MAD1L1: variants seen among roughly 807,000 people sequenced by gnomAD.
The protein encoded by MAD1L1 is mitotic spindle assembly checkpoint protein MAD1.
In MAD1L1, 95 loss-of-function variants were observed where a neutral mutation model predicts 96.9. The ratio of observed to expected loss-of-function variants is 0.98; its 90% CI spans 0.83 to 1.16. The LOEUF is 1.16. Among genes scored for constraint, MAD1L1 ranks in the 50% most tolerant of loss-of-function variants. MAD1L1 has a pLI of 0.00. For missense variants in MAD1L1, 1,007 were observed against 954.4 expected, an observed-to-expected ratio of 1.06 and a Z score of -0.73; for synonymous variants, 473 against 396.6, an observed-to-expected ratio of 1.19 and a Z score of -2.29.
chr7:2,054,431 T>C (rs1313746522), intron 12 of MAD1L1, among the ~76,000 whole-genome samples: 1 of 152,108 alleles, frequency 6.6e-6, no homozygotes, highest in Non-Finnish European at 1.5e-5. Context: ...TTCCTAAAAT[T>C]GCTTTTCTCC....
At chr7:1,888,933 C>G (rs1304287869) in intron 18 of MAD1L1, among the ~76,000 whole-genome samples, 1 of 152,228 alleles carries the variant, frequency 6.6e-6, no homozygotes, top group African/African-American at 2.4e-5. Context: ...CTGCAGTTCT[C>G]ACTGATGAGC....
chr7:2,001,294 C>A (rs550884883), intron 14 of MAD1L1, among the ~76,000 whole-genome samples: 176 of 152,416 alleles, frequency 1.2e-3, no homozygotes, highest in African/African-American at 4.2e-3. Context: ...CACGCACGCA[C>A]GCATGCCCCA....
chr7:2,088,261 G>A lies in MAD1L1; in HGVS notation c.1074-18923C>T, dbSNP rs1034267288. Among the ~76,000 whole-genome samples, 4 of 152,198 alleles carry A rather than the reference G, an allele frequency of 2.6e-5. No individual in the cohort carries two copies. Among genetic ancestry groups the A allele is most frequent in the Non-Finnish European group, 2.9e-5 (2 of 68,036 alleles). ...ACCCCTGCCTGAAACCTGCCGACGGGCCTGTTGCCGCTGGAACACAATCCA... is the reference window on the plus strand; with the variant it reads ...ACCCCTGCCTGAAACCTGCCGACGGACCTGTTGCCGCTGGAACACAATCCA... On this transcript the variant is annotated intron_variant, in intron 11 of 18. Coordinates refer to ENST00000265854, the MANE Select transcript of MAD1L1 (RefSeq NM_001013836.2). The surrounding 1 kb of genome is among the most constrained non-coding windows in gnomAD (Gnocchi z 4.4).
intron 18 of MAD1L1, among the ~76,000 whole-genome samples, chr7:1,884,666 C>T (rs1339611084): frequency 1.3e-5 from 2 of 152,216 alleles, no homozygotes; most frequent in African/African-American, 2.4e-5. Context: ...GGCTGGGCAG[C>T]AGGGGAGTTG....
chr7:2,019,317 T>G (rs1782677107), intron 12 of MAD1L1, among the ~76,000 whole-genome samples: 1 of 152,040 alleles, frequency 6.6e-6, no homozygotes, highest in Non-Finnish European at 1.5e-5. Context: ...GCTGGTCGTT[T>G]CCCAAATGAG....
At chr7:2,087,367 C>T (rs1010561138) in intron 11 of MAD1L1, among the ~76,000 whole-genome samples, 1 of 152,162 alleles carries the variant, frequency 6.6e-6, no homozygotes, top group African/African-American at 2.4e-5. Context: ...TGGCGAAACC[C>T]TGTCTCTACT....
intron 10 of MAD1L1, among the ~76,000 whole-genome samples, chr7:2,210,319 C>T (rs540856509): frequency 6.6e-5 from 10 of 152,306 alleles, no homozygotes; most frequent in Admixed American, 2.6e-4. Context: ...AATCCCCCTG[C>T]GGCAGCCTCC....
chr7:1,929,069 C>A (rs1304987342), intron 17 of MAD1L1, among the ~76,000 whole-genome samples: 1 of 152,210 alleles, frequency 6.6e-6, no homozygotes, highest in Non-Finnish European at 1.5e-5. Flanking sequence ...ACCAGGCCTC[C>A]CCTCGAGGGC....
At chr7:2,226,986 C>CA (rs34846451) in intron 3 of MAD1L1, among the ~76,000 whole-genome samples, 2,174 of 123,942 alleles carry the variant, frequency 0.018, 19 homozygotes, top group East Asian at 0.057. Flanking sequence ...GAGTTCGTCT[C>CA]AAAAAAAAAA....
At chr7:1,865,303 G>A (rs757509788) in intron 18 of MAD1L1, among the ~76,000 whole-genome samples, 38 of 152,190 alleles carry the variant, frequency 2.5e-4, no homozygotes, top group Middle Eastern at 3.4e-3. Flanking sequence ...TTGGGGGTCT[G>A]CAAGGCCTGT....
chr7:1,884,362 C>A (rs1054290067), intron 18 of MAD1L1, among the ~76,000 whole-genome samples: 1 of 152,216 alleles, frequency 6.6e-6, no homozygotes, highest in African/African-American at 2.4e-5. Context: ...GCCACCAGCT[C>A]CCCTGCCTCT....
intron 18 of MAD1L1, among the ~76,000 whole-genome samples, chr7:1,872,177 G>A (rs1583616382): frequency 1.3e-5 from 2 of 152,208 alleles, no homozygotes; most frequent in African/African-American, 4.8e-5. Context: ...CTACCCCGCA[G>A]GGCTGCCTGC....
intron 12 of MAD1L1, among the ~76,000 whole-genome samples, chr7:2,031,358 A>G (rs1388073099): frequency 6.6e-6 from 1 of 152,024 alleles, no homozygotes; most frequent in African/African-American, 2.4e-5. Flanking sequence ...GGGGAGGGGG[A>G]AAAGGGGCTG....
chr7:2,096,689 C>G (rs1011279631), intron 11 of MAD1L1, among the ~76,000 whole-genome samples: 1 of 152,184 alleles, frequency 6.6e-6, no homozygotes, highest in African/African-American at 2.4e-5. Flanking sequence ...CCTCAGAGAA[C>G]CTTCCTGCAT....
chr7:1,858,352 G>A (rs1351329524), intron 18 of MAD1L1, among the ~76,000 whole-genome samples: 2 of 152,366 alleles, frequency 1.3e-5, no homozygotes, highest in East Asian at 3.9e-4. Flanking sequence ...GGCATGACAG[G>A]GGATGAATGG....
At position 1,816,043 on chromosome 7, in the gene MAD1L1, C is replaced by A; in HGVS notation, c.*27G>T. On this transcript the variant is annotated 3_prime_UTR_variant, in exon 19 of 19. Coordinates refer to ENST00000265854, the MANE Select transcript of MAD1L1 (RefSeq NM_001013836.2). ...CTGCAGGTCAGGCCAAGCAGAGTGGCTCCGGCTATGCCCCCGAGCCTGCAG... is the reference window on the plus strand; with the variant it reads ...CTGCAGGTCAGGCCAAGCAGAGTGGATCCGGCTATGCCCCCGAGCCTGCAG... The A allele has an allele frequency of 6.3e-7, 1 of 1,587,316 alleles. No homozygotes were observed.
intron 16 of MAD1L1, among the ~76,000 whole-genome samples, chr7:1,944,807 GGTGT>G (rs1779155901): frequency 6.6e-6 from 1 of 152,164 alleles, no homozygotes; most frequent in Non-Finnish European, 1.5e-5. Flanking sequence ...GTGACGTCAG[GGTGT>G]GCCCACAGGG....
rs202218277 is a variant in MAD1L1, at chr7:2,222,610, G to A, written c.436C>T (p.Arg146Cys). 328 of 1,611,502 alleles carry A rather than the reference G, an allele frequency of 2.0e-4. 1 individual carries two copies. Among genetic ancestry groups the A allele is most frequent in the Middle Eastern group, 2.0e-3 (12 of 6,058 alleles). ...QNLDAASKRL[R>C]EKEDSLAQAG... The stretch of plus-strand genomic sequence containing the variant: ...TGGGCCAGACTGTCCTCTTTCTCAC[G>A]CAGCCTCTTGCTGGCAGCATCCAAG... The change falls in exon 5 of 19, where the codon CGT (arginine) becomes TGT (cysteine). Residue 146 changes from arginine (R) to cysteine (C), a missense_variant. Arg to Cys is a radical substitution (Grantham distance 180, BLOSUM62 -3). Transcript: ENST00000265854.
intron 14 of MAD1L1, among the ~76,000 whole-genome samples, chr7:1,983,616 G>A (rs759528318): frequency 2.0e-5 from 3 of 152,080 alleles, no homozygotes; most frequent in Non-Finnish European, 4.4e-5. Context: ...TCCCATCGAG[G>A]TATACATAAT....
Sources: allele counts gnomAD v4.1 joint callset (sites outside exome capture counted in the v4.1 genomes callset), GRCh38; gene constraint gnomAD v4.1.1; non-coding constraint Gnocchi (gnomAD v3.1); transcripts MANE v1.5; gene names NCBI Gene and HGNC (gene_info 2026-07-23, HGNC 2026-07-21).